The following EFNA5 variants were observed in gnomAD, a reference collection of about 807,000 sequenced individuals.
The protein encoded by EFNA5 is ephrin A5, also known as ephrin-A5.
EFNA5 carries 5 observed loss-of-function variants against 22.9 expected under a neutral mutation model. The observed-to-expected ratio is 0.22, with a 90% CI of 0.11 to 0.46. The LOEUF is 0.46. EFNA5 is among the 20% of genes least tolerant of loss of function. The pLI, the probability that EFNA5 is intolerant of heterozygous loss-of-function variation, is 0.99. For missense variants in EFNA5, 237 were observed against 293.3 expected (o/e 0.81, Z 1.40); for synonymous variants, 113 against 112.2 (o/e 1.01, Z -0.04).
chr5:107,482,308 CA>C lies in EFNA5; in HGVS notation c.126-54800del, dbSNP rs11400186. ...GTGACAAAATGAGTTGATCTTGTCT[CA>C]AAAAAAAAAAAAATGCTATTTTTGT... is the stretch of plus-strand genomic sequence containing the variant. On this transcript the variant is annotated intron_variant, in intron 1 of 4. Transcript: ENST00000333274. Among the ~76,000 whole-genome samples, 163 of 137,054 alleles carry C rather than the reference CA, an allele frequency of 1.2e-3. 1 individual carries two copies. Among genetic ancestry groups the C allele is most frequent in the Middle Eastern group, 3.8e-3 (1 of 260 alleles). The allele number at this position is 137,054 out of a possible 152,430, so 89.9% of individuals were successfully genotyped here.
In EFNA5 at chr5:107,633,702, C is replaced by G. The variant is rs559164421; in HGVS notation, c.125+36787G>C. 3.3e-5 allele frequency among the ~76,000 whole-genome samples: 5 copies of G among 152,212 alleles called. No individual in the cohort carries two copies. In the East Asian group the frequency reaches 9.7e-4, roughly 29 times the overall value. Reference sequence around the variant, plus strand: ...GATGCACAATGAAGGTCTGAATGTCCCAGAATGACCAATTTGGGGACAGCA... The same window carrying G: ...GATGCACAATGAAGGTCTGAATGTCGCAGAATGACCAATTTGGGGACAGCA... On this transcript the variant is annotated intron_variant, in intron 1 of 4. Coordinates refer to ENST00000333274, the MANE Select transcript of EFNA5 (RefSeq NM_001962.3).
chr5:107,570,420 C>T (rs1748776692), intron 1 of EFNA5, among the ~76,000 whole-genome samples: 1 of 152,224 alleles, frequency 6.6e-6, no homozygotes, highest in South Asian at 2.1e-4. Context: ...GATGCCTTGG[C>T]ACCCACCTTG....
chr5:107,636,474 GC>G (rs1750375508), intron 1 of EFNA5, among the ~76,000 whole-genome samples: 1 of 152,192 alleles, frequency 6.6e-6, no homozygotes, highest in African/African-American at 2.4e-5. Flanking sequence ...ACTTCAGGAA[GC>G]CATGACAAGT....
intron 1 of EFNA5, among the ~76,000 whole-genome samples, chr5:107,595,149 T>A (rs1403664414): frequency 6.7e-6 from 1 of 150,030 alleles, no homozygotes; most frequent in Non-Finnish European, 1.5e-5. Flanking sequence ...TTTTTTTTTT[T>A]AAACTTTGAT....
At chr5:107,609,655 T>G (rs1580558563) in intron 1 of EFNA5, among the ~76,000 whole-genome samples, 1 of 152,214 alleles carries the variant, frequency 6.6e-6, no homozygotes, top group Non-Finnish European at 1.5e-5. Context: ...CCATCCACAG[T>G]GTTATGCAGG....
intron 1 of EFNA5, among the ~76,000 whole-genome samples, chr5:107,433,679 T>C (rs963477444): frequency 6.6e-6 from 1 of 152,144 alleles, no homozygotes; most frequent in Non-Finnish European, 1.5e-5. Flanking sequence ...GAGGATCACT[T>C]GAGCCCAGGA....
At chr5:107,535,930 G>T (rs1747920971) in intron 1 of EFNA5, among the ~76,000 whole-genome samples, 1 of 152,058 alleles carries the variant, frequency 6.6e-6, no homozygotes, top group African/African-American at 2.4e-5. Flanking sequence ...TGTCTATCTG[G>T]AAAGCTCATT....
intron 1 of EFNA5, among the ~76,000 whole-genome samples, chr5:107,605,263 A>G (rs999303919): frequency 2.6e-5 from 4 of 152,176 alleles, no homozygotes; most frequent in Non-Finnish European, 5.9e-5. Flanking sequence ...GAAAGCATAT[A>G]TATGACCCAG....
chr5:107,545,591 C>A (rs949323664), intron 1 of EFNA5, among the ~76,000 whole-genome samples: 1 of 152,054 alleles, frequency 6.6e-6, no homozygotes, highest in Admixed American at 6.5e-5. Context: ...TGATGTGGCT[C>A]CTAGATGGTT....
chr5:107,419,335 C>A lies in EFNA5; in HGVS notation c.418+7882G>T, dbSNP rs376156034. 3.3e-4 allele frequency among the ~76,000 whole-genome samples: 51 copies of A among 152,256 alleles called. No homozygotes were observed. In the East Asian group the frequency reaches 8.5e-3, roughly 25 times the overall value. ...CTTGAAACAGACACAATTCCCTAAA[C>A]TCATTCTTTAAATAAAAAGGTGCAT... On this transcript the variant is annotated intron_variant, in intron 2 of 4. Transcript: ENST00000333274.
At chr5:107,665,230 T>A (rs916265440) in intron 1 of EFNA5, among the ~76,000 whole-genome samples, 2 of 152,168 alleles carry the variant, frequency 1.3e-5, no homozygotes, top group Admixed American at 6.5e-5. Context: ...GCTTGCTTGG[T>A]TCATAGCAAC....
rs753314378 is a variant in EFNA5, at chr5:107,411,547, T to C, written c.418+15670A>G. Reference sequence around the variant, plus strand: ...GCTGAGTCTTGATGAAACTATCTACTTGTTTCTATATTTAAGATCCCCACC... The same window carrying C: ...GCTGAGTCTTGATGAAACTATCTACCTGTTTCTATATTTAAGATCCCCACC... On this transcript the variant is annotated intron_variant, in intron 2 of 4. Coordinates refer to ENST00000333274, the MANE Select transcript of EFNA5 (RefSeq NM_001962.3). Among the ~76,000 whole-genome samples the C allele has an allele frequency of 4.9e-4, 74 of 152,316 alleles. 1 individual carries two copies. Among genetic ancestry groups the C allele is most frequent in the Middle Eastern group, 3.4e-3 (1 of 294 alleles).
Position 107,461,497 on chromosome 5 carries a change from A to G in EFNA5, c.126-33988T>C, listed in dbSNP as rs186190069. Among the ~76,000 whole-genome samples, 312 of 152,222 alleles carry G rather than the reference A, an allele frequency of 2.0e-3. 2 individuals are homozygous for G. The highest frequency in any genetic ancestry group is 0.018 in the South Asian group (88 of 4,818). ...GACATTAAATATAGAGGGGGGAAAA[A>G]AAGACCTTTTCTACAGGTTGTAATT... On this transcript the variant is annotated intron_variant, in intron 1 of 4. Coordinates refer to ENST00000333274, the MANE Select transcript of EFNA5 (RefSeq NM_001962.3).
At chr5:107,574,786 A>G (rs1298536226) in intron 1 of EFNA5, among the ~76,000 whole-genome samples, 2 of 152,246 alleles carry the variant, frequency 1.3e-5, no homozygotes, top group East Asian at 1.9e-4. Flanking sequence ...AACTTAAAGA[A>G]AAAGGCTGGT....
intron 1 of EFNA5, among the ~76,000 whole-genome samples, chr5:107,625,935 A>AT (rs1750132858): frequency 6.6e-6 from 1 of 152,200 alleles, no homozygotes. Flanking sequence ...TATAGGCTCA[A>AT]CAAATCTCCT....
intron 1 of EFNA5, among the ~76,000 whole-genome samples, chr5:107,617,595 G>A (rs1345736491): frequency 4.6e-5 from 7 of 152,136 alleles, no homozygotes; most frequent in East Asian, 3.8e-4. Context: ...AAGAAAATGC[G>A]TATTGAGAGG....
At chr5:107,400,624 G>A (rs1221987673) in intron 2 of EFNA5, among the ~76,000 whole-genome samples, 1 of 152,210 alleles carries the variant, frequency 6.6e-6, no homozygotes, top group South Asian at 2.1e-4. Context: ...ATCTAACATA[G>A]TGCTTGGCAC....
At chr5:107,387,348 G>T (rs1444391794) in intron 3 of EFNA5, 33 bp from the exon 4 acceptor site, 1 of 1,429,360 alleles carries the variant, frequency 7.0e-7, no homozygotes, top group South Asian at 1.2e-5. Context: ...AGCCAAATAT[G>T]TTAGTGAAGA....
intron 2 of EFNA5, among the ~76,000 whole-genome samples, chr5:107,395,034 C>CTGTTTTTTTTTTTTTTT (rs1747883440): frequency 1.2e-5 from 1 of 86,142 alleles, no homozygotes; most frequent in Non-Finnish European, 2.2e-5. Flanking sequence ...ATTTCTAGTT[C>CTGTTTTTTTTTTTTTTT]TTTTTTTTTT....
Sources: allele counts gnomAD v4.1 joint callset (sites outside exome capture counted in the v4.1 genomes callset), GRCh38; gene constraint gnomAD v4.1.1; transcripts MANE v1.5; gene names NCBI Gene and HGNC (gene_info 2026-07-23, HGNC 2026-07-21).